The following ARFGAP1 variants were observed in gnomAD, a reference collection of about 807,000 sequenced individuals.
The protein encoded by ARFGAP1 is ADP-ribosylation factor GTPase-activating protein 1.
In ARFGAP1, 26 loss-of-function variants were observed where a neutral mutation model predicts 54.0. The observed-to-expected ratio is 0.48, with a 90% CI of 0.35 to 0.67. The LOEUF is 0.67. ARFGAP1 is among the 30% of genes least tolerant of loss of function. The pLI is 0.00. For missense variants in ARFGAP1, 525 were observed against 535.8 expected, an observed-to-expected ratio of 0.98 and a Z score of 0.20; for synonymous variants, 248 against 211.9, an observed-to-expected ratio of 1.17 and a Z score of -1.48.
At chr20:63,279,626 A>G (rs2067325807) in intron 7 of ARFGAP1, among the ~76,000 whole-genome samples, 1 of 152,144 alleles carries the variant, frequency 6.6e-6, no homozygotes, top group Non-Finnish European at 1.5e-5. Flanking sequence ...GGAGTGCTAC[A>G]TGCATTGGGA....
rs1225814887 is a variant in ARFGAP1 at position 63,276,959 on chromosome 20, CT to C, written c.343-245del. The stretch of plus-strand genomic sequence containing the variant: ...CTGGAGGCCAAATAGGTGGGTCCCC[CT>C]GTGTTGGAAGTTGGAGCTGCACCAA... On this transcript the variant is annotated intron_variant, in intron 4 of 12. Coordinates refer to ENST00000370283, the MANE Select transcript of ARFGAP1 (RefSeq NM_018209.4). The surrounding 1 kb of genome is among the most constrained non-coding windows in gnomAD (Gnocchi z 5.2). Among the ~76,000 whole-genome samples, 1 of 152,176 alleles carries C rather than the reference CT, an allele frequency of 6.6e-6. No individual in the cohort carries two copies. Among genetic ancestry groups the C allele is most frequent in the Non-Finnish European group, 1.5e-5 (1 of 68,022 alleles).
intron 7 of ARFGAP1, among the ~76,000 whole-genome samples, chr20:63,280,676 C>T (rs186186747): frequency 1.3e-5 from 2 of 152,308 alleles, no homozygotes; most frequent in Admixed American, 1.3e-4. Flanking sequence ...CGCATTTTTC[C>T]AGCCTGTGTG....
rs1037985650 is a variant in ARFGAP1 at position 63,287,978 on chromosome 20, G to C, written c.*105G>C. On this transcript the variant is annotated 3_prime_UTR_variant, in exon 13 of 13. Coordinates refer to ENST00000370283, the MANE Select transcript of ARFGAP1 (RefSeq NM_018209.4). The stretch of plus-strand genomic sequence containing the variant: ...TTTGACCCAAGAATCAGCAACTGCA[G>C]TGTGAGGACAGCGTCTCGGGAGGCA... The C allele has an allele frequency of 7.0e-6, 9 of 1,287,358 alleles. No homozygotes were observed. Among genetic ancestry groups the C allele is most frequent in the Non-Finnish European group, 8.3e-6 (8 of 960,788 alleles). 79.7% of individuals were successfully genotyped at this position (1,287,358 alleles called of 1,614,324 possible).
chr20:63,275,334 G>A (rs1601331452), intron 1 of ARFGAP1, among the ~76,000 whole-genome samples: 1 of 152,160 alleles, frequency 6.6e-6, no homozygotes, highest in South Asian at 2.1e-4. Flanking sequence ...GTAATGATAT[G>A]GTCTTCCTGA....
Position 63,276,791 on chromosome 20 carries a change from C to A in ARFGAP1, c.342+140C>A, listed in dbSNP as rs2067247672. The A allele has an allele frequency of 6.8e-6, 7 of 1,032,868 alleles. No individual in the cohort carries two copies. The highest frequency in any genetic ancestry group is 9.5e-6 in the Non-Finnish European group (7 of 733,032). The allele number at this position is 1,032,868 out of a possible 1,614,324, so 64.0% of individuals were successfully genotyped here. On this transcript the variant is annotated intron_variant, in intron 4 of 12. Coordinates refer to ENST00000370283, the MANE Select transcript of ARFGAP1 (RefSeq NM_018209.4). The surrounding 1 kb of genome is among the most constrained non-coding windows in gnomAD (Gnocchi z 5.2). ...CACCCACTGGGCCACACACAACTTGCCGCCCTGGAGCAGAGGCTTCCTGCC... is the reference window on the plus strand; with the variant it reads ...CACCCACTGGGCCACACACAACTTGACGCCCTGGAGCAGAGGCTTCCTGCC...
In ARFGAP1 at chr20:63,278,934, C is replaced by T. The variant is rs534344317; in HGVS notation, c.566C>T (p.Thr189Met). Reference protein sequence around the residue: ...QGNRYVGFGNTPPPQKKEDDF... With the variant: ...QGNRYVGFGNMPPPQKKEDDF... ...AATCGCTACGTGGGGTTTGGGAACA[C>T]GCCACCGCCTCAGAAGAAAGAAGAT... Residue 189 changes from threonine to methionine, a missense_variant, in exon 7 of 13, where the codon ACG becomes ATG. Physicochemically the swap from Thr to Met is moderately conservative, Grantham distance 81. This residue lies in a region of ARFGAP1 where 466 missense variants were observed against 453.6 expected (regional missense o/e 1.03). Coordinates refer to ENST00000370283, the MANE Select transcript of ARFGAP1 (RefSeq NM_018209.4). The T allele has an allele frequency of 3.5e-5, 57 of 1,614,002 alleles. No homozygotes were observed. Among genetic ancestry groups the T allele is most frequent in the Non-Finnish European group, 4.3e-5 (51 of 1,180,032 alleles).
rs1202959529 is a variant in ARFGAP1, at chr20:63,286,014, G to A, written c.834+301G>A. The stretch of plus-strand genomic sequence containing the variant: ...CGTCTTTGCTGCCATCAGTCCCACT[G>A]CTCTGCGGGCCATTTGGGGCGTGCA... On this transcript the variant is annotated intron_variant, in intron 11 of 12. Coordinates refer to ENST00000370283, the MANE Select transcript of ARFGAP1 (RefSeq NM_018209.4). 3 of 1,543,484 alleles carry A rather than the reference G, an allele frequency of 1.9e-6. No homozygotes were observed. In the Admixed American group the frequency reaches 5.9e-5, roughly 30 times the overall value.
chr20:63,282,776 C>G lies in ARFGAP1; in HGVS notation c.685-43C>G, dbSNP rs201649899. The G allele has an allele frequency of 2.6e-5, 42 of 1,611,348 alleles. No individual in the cohort carries two copies. The East Asian group carries it at 8.0e-4, about 31-fold the overall frequency. ...GCCCTGAGGAAGGATGCCTGGCAGC[C>G]CATGTTAAGTCTGTCAAGCCTTGTC... is the stretch of plus-strand genomic sequence containing the variant. On this transcript the variant is annotated intron_variant, in intron 8 of 12. Transcript: ENST00000370283.
At chr20:63,284,537 G>T in intron 9 of ARFGAP1, 1 of 1,202,982 alleles carries the variant, frequency 8.3e-7, no homozygotes, top group Non-Finnish European at 1.0e-6. Context: ...GCTGCAGCCG[G>T]CGTTGGCCTC....
At position 63,276,091 on chromosome 20, in the gene ARFGAP1, GTTTGT is replaced by G; in HGVS notation, c.66_70del (p.Cys22Ter). ...TGAGTCACTTGTGGCCCCTTTGCAG[GTTTGT>G]TTTGAGTGTGGCGCGTTCAATCCTC... On this transcript the variant is annotated frameshift_variant and splice_region_variant, in exon 3 of 13. Transcript: ENST00000370283. LOFTEE classifies it high-confidence loss of function. This position sits in a 1 kb window ranked among gnomAD's most constrained non-coding sequence, Gnocchi z 5.2. The G allele has an allele frequency of 6.2e-7, 1 of 1,613,984 alleles. No individual in the cohort carries two copies. The highest frequency in any genetic ancestry group is 8.5e-7 in the Non-Finnish European group (1 of 1,179,996).
Position 63,276,168 on chromosome 20 carries a change from G to A in ARFGAP1, c.138G>A (p.Ser46=), listed in dbSNP as rs1007342018. The change falls in exon 3 of 13, where the codon TCG becomes TCA. Residue 46 remains serine (S), a synonymous_variant. Coordinates refer to ENST00000370283, the MANE Select transcript of ARFGAP1 (RefSeq NM_018209.4). The surrounding 1 kb of genome is among the most constrained non-coding windows in gnomAD (Gnocchi z 5.2). The stretch of plus-strand genomic sequence containing the variant: ...GCATCTGGATCTGCCTGGAGTGCTC[G>A]GGGAGACACCGCGGGCTTGGGGTTC... ...TYGIWICLEC[S]GRHRGLGVHL... 43 of 1,613,778 alleles carry A rather than the reference G, an allele frequency of 2.7e-5. No homozygotes were observed. The highest frequency in any genetic ancestry group is 1.1e-4 in the South Asian group (10 of 91,082).
chr20:63,278,350 C>T (rs556807892), intron 6 of ARFGAP1, 147 bp downstream of exon 6: 25 of 721,828 alleles, frequency 3.5e-5, no homozygotes, highest in Non-Finnish European at 5.7e-5. Flanking sequence ...TGCAGTGAGT[C>T]CCAGCCAGCC....
intron 7 of ARFGAP1, among the ~76,000 whole-genome samples, chr20:63,280,266 G>GTTTTTTGT (rs2067346328): frequency 6.6e-6 from 1 of 152,208 alleles, no homozygotes; most frequent in Admixed American, 6.5e-5. Context: ...GGCTTATTTT[G>GTTTTTTGT]TTTTTTGTTT....
rs931812777 is a variant in ARFGAP1, at chr20:63,289,759, C to G, written c.*1886C>G. The G allele has an allele frequency of 6.6e-6, 1 of 152,316 alleles. No homozygotes were observed. Among genetic ancestry groups the G allele is most frequent in the Admixed American group, 6.5e-5 (1 of 15,290 alleles). The allele number at this position is 152,316 out of a possible 1,614,324, so 9.4% of individuals were successfully genotyped here. ...GCCCAGGTGGAAGGCGCGGACCTGA[C>G]AGCATTCCAATAAAGCATACGGGAA... On this transcript the variant is annotated 3_prime_UTR_variant, in exon 13 of 13. Transcript: ENST00000370283.
At chr20:63,287,039 T>G (rs2067573709) in intron 12 of ARFGAP1, among the ~76,000 whole-genome samples, 1 of 152,248 alleles carries the variant, frequency 6.6e-6, no homozygotes, top group African/African-American at 2.4e-5. Flanking sequence ...TGCTGTCTAC[T>G]GAGAGGCCAG....
chr20:63,278,871 T>A, intron 6 of ARFGAP1, 28 bp from the exon 7 acceptor site: 4 of 1,611,568 alleles, frequency 2.5e-6, no homozygotes, highest in Non-Finnish European at 2.5e-6. Flanking sequence ...TGCCAGCATC[T>A]TCGGCCTCTT....
At position 63,286,093 on chromosome 20, in the gene ARFGAP1, G is replaced by A. The variant is rs1473687320; in HGVS notation, c.835-273G>A. 8.4e-6 allele frequency: 13 copies of A among 1,550,008 alleles called. No individual in the cohort carries two copies. The Admixed American group carries it at 1.4e-4, about 16-fold the overall frequency. On this transcript the variant is annotated intron_variant, in intron 11 of 12. Coordinates refer to ENST00000370283, the MANE Select transcript of ARFGAP1 (RefSeq NM_018209.4). ...TCTGCGGACAGACGGGGAGGGAAGA[G>A]CAGGCCTCGCTCCTCCCCCCCAAGC...
intron 11 of ARFGAP1, 188 bp downstream of exon 11, chr20:63,285,901 G>A: frequency 6.9e-7 from 1 of 1,447,884 alleles, no homozygotes; most frequent in Non-Finnish European, 9.2e-7. Flanking sequence ...TTGGCCCACT[G>A]CGGCCCGGTC....
In ARFGAP1 at chr20:63,287,407, G is replaced by A. The variant is rs564984787; in HGVS notation, c.912-157G>A. On this transcript the variant is annotated intron_variant, in intron 12 of 12. Coordinates refer to ENST00000370283, the MANE Select transcript of ARFGAP1 (RefSeq NM_018209.4). Reference sequence around the variant, plus strand: ...CCAGCAGTTTCCTCTGCTCTGAAGCGGGAGAAACAGATCCCACCTGGTGGG... The same window carrying A: ...CCAGCAGTTTCCTCTGCTCTGAAGCAGGAGAAACAGATCCCACCTGGTGGG... 3.9e-5 allele frequency among the ~76,000 whole-genome samples: 6 copies of A among 152,308 alleles called. No individual in the cohort carries two copies. The highest frequency in any genetic ancestry group is 2.1e-4 in the South Asian group (1 of 4,824).
Sources: gnomAD v4.1 joint callset for allele counts (sites outside exome capture counted in the v4.1 genomes callset) on GRCh38, gnomAD v4.1.1 for gene constraint, gnomAD v4.1.1 regional missense constraint, Gnocchi (gnomAD v3.1) non-coding constraint, MANE v1.5 for transcripts, NCBI Gene and HGNC (gene_info 2026-07-23, HGNC 2026-07-21) for gene names.